The following CACNA1S variants were observed in gnomAD, a reference collection of about 807,000 sequenced individuals.
The protein encoded by CACNA1S is calcium voltage-gated channel subunit alpha1 S.
CACNA1S carries 126 observed loss-of-function variants against 207.4 expected under a neutral mutation model. The ratio of observed to expected loss-of-function variants is 0.61; its 90% CI spans 0.53 to 0.70. The LOEUF (loss-of-function observed/expected upper bound fraction) is 0.70, where lower values mean the gene tolerates loss of function less well. CACNA1S is among the 30% of genes least tolerant of loss of function. CACNA1S has a pLI of 0.00. For synonymous variants in CACNA1S, 960 were observed against 932.7 expected (o/e 1.03, Z -0.53); for missense variants, 2,349 against 2,422.8 (o/e 0.97, Z 0.64).
At position 201,074,731 on chromosome 1, in the gene CACNA1S, A is replaced by G. The variant is rs1661546249; in HGVS notation, c.1949-111T>C. On this transcript the variant is annotated intron_variant, in intron 13 of 43. Transcript: ENST00000362061. ...GACCTAACCCCACTCTCCCAGAGCT[A>G]CCCATGGGAAGGTGTGGATCCAGGG... 4 of 740,066 alleles carry G rather than the reference A, an allele frequency of 5.4e-6. No individual in the cohort carries two copies. The South Asian group carries it at 5.9e-5, about 11-fold the overall frequency. 45.8% of individuals were successfully genotyped at this position (740,066 alleles called of 1,614,324 possible).
At chr1:201,079,252 C>T (rs1205785775) in intron 10 of CACNA1S, among the ~76,000 whole-genome samples, 1 of 152,134 alleles carries the variant, frequency 6.6e-6, no homozygotes, top group Non-Finnish European at 1.5e-5. Flanking sequence ...CACCCCCTGC[C>T]CTGCCACATT....
Position 201,089,386 on chromosome 1 carries a change from C to T in CACNA1S, c.772G>A (p.Gly258Ser), listed in dbSNP as rs886045801. The change falls in exon 6 of 44, where the codon GGC (glycine) becomes AGC (serine). Residue 258 changes from glycine (G) to serine (S), a missense_variant. Coordinates refer to ENST00000362061, the MANE Select transcript of CACNA1S (RefSeq NM_000069.3). ...GGCCAGCCGCCCCGGCACTCACTGC[C>T]ATTGATGGTGCACCGGCGCCCTGAG... ...TGSGRRCTIN[G>S]SECRGGWPGP... The T allele has an allele frequency of 1.5e-5, 24 of 1,614,126 alleles. No individual in the cohort carries two copies. Among genetic ancestry groups the T allele is most frequent in the Non-Finnish European group, 1.9e-5 (23 of 1,180,048 alleles).
intron 39 of CACNA1S, 28 bp downstream of exon 39, chr1:201,044,300 A>G (rs2102549088): frequency 6.2e-7 from 1 of 1,611,962 alleles, no homozygotes; most frequent in East Asian, 2.2e-5. Context: ...TGTCTAGACC[A>G]CTAGGGGTGC....
At chr1:201,077,778 C>T in intron 11 of CACNA1S, 101 bp downstream of exon 11, 2 of 765,620 alleles carry the variant, frequency 2.6e-6, no homozygotes, top group South Asian at 1.7e-5. Context: ...AGTGGTGAAC[C>T]TGCACAGATC....
intron 7 of CACNA1S, among the ~76,000 whole-genome samples, chr1:201,086,529 C>T (rs141339951): frequency 6.6e-6 from 1 of 152,210 alleles, no homozygotes; most frequent in Non-Finnish European, 1.5e-5. Context: ...CAAACCTGGA[C>T]AGCGTGTTAC....
chr1:201,062,444 G>C lies in CACNA1S; in HGVS notation c.2906+18C>G. ...CCCTGCCCCGTGACCGTCCCACTGTGCTCCCTGCCCCATGTACCTGCACTC... is the reference window on the plus strand; with the variant it reads ...CCCTGCCCCGTGACCGTCCCACTGTCCTCCCTGCCCCATGTACCTGCACTC... On this transcript the variant is annotated intron_variant, in intron 23 of 43. Coordinates refer to ENST00000362061, the MANE Select transcript of CACNA1S (RefSeq NM_000069.3). The C allele has an allele frequency of 6.2e-7, 1 of 1,612,382 alleles. No homozygotes were observed. Among genetic ancestry groups the C allele is most frequent in the Non-Finnish European group, 8.5e-7 (1 of 1,178,716 alleles).
chr1:201,083,642 T>C (rs541830701), intron 9 of CACNA1S, among the ~76,000 whole-genome samples: 99 of 152,310 alleles, frequency 6.5e-4, no homozygotes, highest in African/African-American at 2.4e-3. Flanking sequence ...ATGCCACGTT[T>C]TGCCCCTTAT....
chr1:201,061,807 C>T, intron 24 of CACNA1S, 137 bp downstream of exon 24: 1 of 1,010,280 alleles, frequency 9.9e-7, no homozygotes. Context: ...TACCATCAAA[C>T]CATCAGAGAG....
Position 201,040,083 on chromosome 1 carries a change from C to T in CACNA1S, c.5371-1G>A, listed in dbSNP as rs768824941. On this transcript the variant is annotated splice_acceptor_variant, in intron 43 of 43. Coordinates refer to ENST00000362061, the MANE Select transcript of CACNA1S (RefSeq NM_000069.3). LOFTEE classifies it high-confidence loss of function. ...TGCCCAGGCCCCCTCGAACCAGAGC[C>T]TGCAGGGAGGAGAGTAGGCTGAGTG... is the stretch of plus-strand genomic sequence containing the variant. The T allele has an allele frequency of 1.9e-6, 3 of 1,614,106 alleles. No individual in the cohort carries two copies. In the East Asian group the frequency reaches 6.7e-5, roughly 36 times the overall value.
intron 1 of CACNA1S, among the ~76,000 whole-genome samples, chr1:201,111,421 C>T (rs60218820): frequency 1.3e-5 from 2 of 151,946 alleles, no homozygotes; most frequent in Non-Finnish European, 2.9e-5. Context: ...CCCAAATAAC[C>T]CAGATATTTT....
At chr1:201,048,490 G>C (rs1660545097) in intron 36 of CACNA1S, 92 bp downstream of exon 36, 2 of 1,103,034 alleles carry the variant, frequency 1.8e-6, no homozygotes, top group Admixed American at 1.8e-5. Flanking sequence ...CAGTTCTTAA[G>C]AGCAATCTTG....
At chr1:201,049,406 G>T (rs1049063614) in intron 34 of CACNA1S, among the ~76,000 whole-genome samples, 1 of 152,170 alleles carries the variant, frequency 6.6e-6, no homozygotes, top group Non-Finnish European at 1.5e-5. Flanking sequence ...CTTAGGTTTT[G>T]GTCAAGTTAA....
intron 38 of CACNA1S, among the ~76,000 whole-genome samples, chr1:201,046,543 C>CT (rs112943716): frequency 1.0e-3 from 151 of 145,152 alleles, no homozygotes; most frequent in Middle Eastern, 3.8e-3. Flanking sequence ...GAGAACTGTT[C>CT]TTTTTTTTTT....
At chr1:201,059,867 T>C (rs1253904532) in intron 26 of CACNA1S, among the ~76,000 whole-genome samples, 1 of 152,196 alleles carries the variant, frequency 6.6e-6, no homozygotes, top group African/African-American at 2.4e-5. Context: ...TCCTTGTAAG[T>C]TTTCCCAGGG....
rs1661907503 is a variant in CACNA1S at position 201,083,281 on chromosome 1, C to T, written c.1274G>A (p.Cys425Tyr). The T allele has an allele frequency of 1.1e-5, 18 of 1,614,108 alleles. No homozygotes were observed. The highest frequency in any genetic ancestry group is 1.4e-5 in the Non-Finnish European group (17 of 1,180,050). ...GACCTTGGACTTCACGATGTCATGGCACTTCCAGCGAAAGATGCGGTTCCA... is the reference window on the plus strand; with the variant it reads ...GACCTTGGACTTCACGATGTCATGGTACTTCCAGCGAAAGATGCGGTTCCA... ...RQWNRIFRWK[C>Y]HDIVKSKVFY... The change falls in exon 10 of 44, where the codon TGC becomes TAC. Residue 425 changes from cysteine (C) to tyrosine (Y), a missense_variant. Cys to Tyr is a radical substitution (Grantham distance 194, BLOSUM62 -2). Transcript: ENST00000362061.
chr1:201,063,053 G>A, intron 22 of CACNA1S, among the ~76,000 whole-genome samples: 1 of 152,132 alleles, frequency 6.6e-6, no homozygotes, highest in East Asian at 1.9e-4. Context: ...AGTCAAGCGG[G>A]GTCCCATGTC....
At chr1:201,045,846 G>T (rs796836909) in intron 38 of CACNA1S, among the ~76,000 whole-genome samples, 36 of 151,246 alleles carry the variant, frequency 2.4e-4, no homozygotes, top group African/African-American at 8.3e-4. Flanking sequence ...TACACATTTT[G>T]CCTTGAATAC....
chr1:201,054,672 A>C, intron 28 of CACNA1S, 111 bp from the exon 29 acceptor site: 1 of 719,344 alleles, frequency 1.4e-6, no homozygotes, highest in Non-Finnish European at 2.3e-6. Flanking sequence ...AGAAGAGTTA[A>C]AGAGAAAAAG....
At chr1:201,099,286 C>G (rs1442268978) in intron 2 of CACNA1S, among the ~76,000 whole-genome samples, 5 of 152,216 alleles carry the variant, frequency 3.3e-5, no homozygotes, top group African/African-American at 1.2e-4. Flanking sequence ...CTGGTCAGGA[C>G]TCCAGGCTCC....
Sources: gnomAD v4.1 joint callset for allele counts (sites outside exome capture counted in the v4.1 genomes callset) on GRCh38, gnomAD v4.1.1 for gene constraint, MANE v1.5 for transcripts, NCBI Gene and HGNC (gene_info 2026-07-23, HGNC 2026-07-21) for gene names.